Variants in TMEM132C observed in about 807,000 individuals in gnomAD.
TMEM132C encodes transmembrane protein 132C, also known as protein phosphatase 1, regulatory subunit 152.
TMEM132C carries 29 observed loss-of-function variants against 61.4 expected under a neutral mutation model. That is an observed-to-expected ratio of 0.47 (90% CI 0.35 to 0.64). The LOEUF is 0.64. Ranked by LOEUF, TMEM132C falls within the 30% of genes least tolerant of loss-of-function variation. The probability of loss-of-function intolerance (pLI) is 0.00; values close to 1 mark genes in which losing one functional copy is unlikely to be tolerated. For missense variants in TMEM132C, 1,408 were observed against 1,476.9 expected (o/e 0.95, Z 0.76); for synonymous variants, 656 against 633.1 (o/e 1.04, Z -0.54).
chr12:128,399,789 A>G (rs927958027), intron 1 of TMEM132C, among the ~76,000 whole-genome samples: 1 of 149,260 alleles, frequency 6.7e-6, no homozygotes, highest in Non-Finnish European at 1.5e-5. Context: ...TTTTTTTTTT[A>G]TGTTTGTATG....
chr12:128,359,080 C>G (rs1873611164), intron 1 of TMEM132C, among the ~76,000 whole-genome samples: 1 of 152,200 alleles, frequency 6.6e-6, no homozygotes, highest in Non-Finnish European at 1.5e-5. Flanking sequence ...TGAGCAGCTT[C>G]AGGACTAGCT....
rs12579714 is a variant in TMEM132C, at chr12:128,615,290, G to A, written c.1122-862G>A. 4.3e-4 allele frequency among the ~76,000 whole-genome samples: 66 copies of A among 152,306 alleles called. No homozygotes were observed. The East Asian group carries it at 0.01, about 24-fold the overall frequency. ...GGAAGACAATTTTTCCACAGATGGC[G>A]GTGGTGGGGGAAGGATGGTTTTGGG... On this transcript the variant is annotated intron_variant, in intron 3 of 8. Transcript: ENST00000435159.
chr12:128,649,196 A>G (rs1954242140), intron 4 of TMEM132C, among the ~76,000 whole-genome samples: 1 of 152,222 alleles, frequency 6.6e-6, no homozygotes, highest in Non-Finnish European at 1.5e-5. Flanking sequence ...GATTCCACAC[A>G]GCCAAAGTGT....
intron 3 of TMEM132C, among the ~76,000 whole-genome samples, chr12:128,604,348 A>C (rs573967725): frequency 6.7e-6 from 1 of 150,212 alleles, no homozygotes; most frequent in South Asian, 2.1e-4. Flanking sequence ...AGATGGATGG[A>C]TAGATAGATG....
Position 128,434,152 on chromosome 12 carries a change from C to T in TMEM132C, c.974+18532C>T, listed in dbSNP as rs149615874. On this transcript the variant is annotated intron_variant, in intron 2 of 8. Coordinates refer to ENST00000435159, the MANE Select transcript of TMEM132C (RefSeq NM_001136103.3). The stretch of plus-strand genomic sequence containing the variant: ...CATCAGCTAGAATGAACTAAAATGC[C>T]TTCAGCTGCAGCTAACAATGCTTAA... 2.4e-3 allele frequency among the ~76,000 whole-genome samples: 371 copies of T among 152,336 alleles called. 2 individuals are homozygous for T. The highest frequency in any genetic ancestry group is 8.4e-3 in the African/African-American group (350 of 41,570).
At chr12:128,277,761 G>A (rs1470998712) in intron 1 of TMEM132C, among the ~76,000 whole-genome samples, 1 of 152,200 alleles carries the variant, frequency 6.6e-6, no homozygotes, top group Non-Finnish European at 1.5e-5. Flanking sequence ...GCTCCACATT[G>A]TGGGGGCAGC....
chr12:128,502,038 T>A (rs1300996222), intron 2 of TMEM132C, among the ~76,000 whole-genome samples: 1 of 152,210 alleles, frequency 6.6e-6, no homozygotes, highest in Admixed American at 6.5e-5. Flanking sequence ...TAGAAGAAAG[T>A]CATTCTATTT....
intron 5 of TMEM132C, 83 bp from the exon 6 acceptor site, chr12:128,693,746 A>C (rs1954736348): frequency 6.9e-7 from 1 of 1,453,794 alleles, no homozygotes; most frequent in South Asian, 1.3e-5. Flanking sequence ...TGTGCTTTGC[A>C]AGATAATAGG....
Position 128,516,115 on chromosome 12 carries a change from C to T in TMEM132C, c.975-27842C>T, listed in dbSNP as rs184318889. On this transcript the variant is annotated intron_variant, in intron 2 of 8. Transcript: ENST00000435159. ...GCCTGATGCCACAACAAGTAGGGTC[C>T]GCACTGAGACCCTTCCTCCTCTTTT... Among the ~76,000 whole-genome samples, 11 of 152,234 alleles carry T rather than the reference C, an allele frequency of 7.2e-5. No individual in the cohort carries two copies. The East Asian group carries it at 9.7e-4, about 13-fold the overall frequency.
chr12:128,500,584 A>G (rs907801061), intron 2 of TMEM132C, among the ~76,000 whole-genome samples: 2 of 152,186 alleles, frequency 1.3e-5, no homozygotes, highest in East Asian at 1.9e-4. Context: ...CAATATGTAT[A>G]CAAAATGGTG....
intron 1 of TMEM132C, among the ~76,000 whole-genome samples, chr12:128,311,160 C>G (rs148066513): frequency 6.6e-6 from 1 of 152,174 alleles, no homozygotes; most frequent in Non-Finnish European, 1.5e-5. Context: ...AGACCTAGAC[C>G]GCAGAAATCT....
chr12:128,329,492 A>G (rs1872615723), intron 1 of TMEM132C, among the ~76,000 whole-genome samples: 2 of 152,178 alleles, frequency 1.3e-5, no homozygotes, highest in South Asian at 4.1e-4. Flanking sequence ...GTGAAAATAT[A>G]GGTTCTTAGG....
At chr12:128,333,339 ATG>A (rs1037501277) in intron 1 of TMEM132C, among the ~76,000 whole-genome samples, 3 of 151,766 alleles carry the variant, frequency 2.0e-5, no homozygotes, top group African/African-American at 7.3e-5. Flanking sequence ...TGTTGTGTGT[ATG>A]TGTGTAAGTG....
chr12:128,456,493 A>G (rs973786606), intron 2 of TMEM132C, among the ~76,000 whole-genome samples: 1 of 139,652 alleles, frequency 7.2e-6, no homozygotes, highest in African/African-American at 2.7e-5. Flanking sequence ...TGCAGCCTCA[A>G]TGTCCCAGGC....
Position 128,589,246 on chromosome 12 carries a change from C to T in TMEM132C, c.1122-26906C>T, listed in dbSNP as rs575698025. Among the ~76,000 whole-genome samples, 60 of 151,162 alleles carry T rather than the reference C, an allele frequency of 4.0e-4. 1 individual carries two copies. The South Asian group carries it at 7.3e-3, about 18-fold the overall frequency. ...ACAAGCGTTAGTGCAGAACGTGAGG[C>T]CCCTCCACCAGCCACCCCACAGCAA... On this transcript the variant is annotated intron_variant, in intron 3 of 8. Transcript: ENST00000435159.
intron 5 of TMEM132C, among the ~76,000 whole-genome samples, chr12:128,689,253 G>A (rs943287089): frequency 6.6e-6 from 1 of 152,078 alleles, no homozygotes; most frequent in African/African-American, 2.4e-5. Flanking sequence ...GTCAAGCTAA[G>A]CAGCATATTC....
chr12:128,377,280 C>G (rs1874222863), intron 1 of TMEM132C, among the ~76,000 whole-genome samples: 1 of 152,186 alleles, frequency 6.6e-6, no homozygotes, highest in Non-Finnish European at 1.5e-5. Flanking sequence ...GTCTTGAACT[C>G]CTGACCTCGT....
rs531313577 is a variant in TMEM132C, at chr12:128,682,307, C to T, written c.1450-11522C>T. On this transcript the variant is annotated intron_variant, in intron 5 of 8. Coordinates refer to ENST00000435159, the MANE Select transcript of TMEM132C (RefSeq NM_001136103.3). ...TCTCCTCCACCCCCTTATTCTTTGT[C>T]GCCTGATTGTTCCCTGTCCCAGCAC... is the stretch of plus-strand genomic sequence containing the variant. 1.2e-4 allele frequency among the ~76,000 whole-genome samples: 18 copies of T among 152,280 alleles called. No individual in the cohort carries two copies. In the South Asian group the frequency reaches 1.2e-3, roughly 11 times the overall value.
At chr12:128,416,586 A>G (rs1868787665) in intron 2 of TMEM132C, among the ~76,000 whole-genome samples, 2 of 152,260 alleles carry the variant, frequency 1.3e-5, no homozygotes, top group East Asian at 1.9e-4. Context: ...TTTGCAAGCT[A>G]GAATGATAGC....
Sources: allele counts gnomAD v4.1 joint callset (sites outside exome capture counted in the v4.1 genomes callset), GRCh38; gene constraint gnomAD v4.1.1; transcripts MANE v1.5; gene names NCBI Gene and HGNC (gene_info 2026-07-23, HGNC 2026-07-21).